MED13L: variants seen among roughly 807,000 people sequenced by gnomAD.
The protein encoded by MED13L is mediator complex subunit 13L, also known as mediator of RNA polymerase II transcription subunit 13-like.
MED13L carries 7 observed loss-of-function variants against 220.9 expected under a neutral mutation model. The ratio of observed to expected loss-of-function variants is 0.03; its 90% confidence interval spans 0.02 to 0.06. MED13L has a LOEUF of 0.06. Ranked by LOEUF, MED13L falls within the 10% of genes least tolerant of loss-of-function variation. The pLI is 1.00. For missense variants in MED13L, 1,965 were observed against 2,760.5 expected (o/e 0.71, Z 6.46); for synonymous variants, 1,011 against 1,015.2 (o/e 1.00, Z 0.08).
chr12:116,111,322 AATAAATC>A lies in MED13L; in HGVS notation c.395+99_395+105del, dbSNP rs2137898761. ...AGATTTATGTAATTTTCATACTAGCAATAAATCATTGCAAGTGAAAAGTTTTTGAAAA... is the reference window on the plus strand; with the variant it reads ...AGATTTATGTAATTTTCATACTAGCAATTGCAAGTGAAAAGTTTTTGAAAA... On this transcript the variant is annotated intron_variant, in intron 3 of 30. Coordinates refer to ENST00000281928, the MANE Select transcript of MED13L (RefSeq NM_015335.5). The A allele has an allele frequency of 1.0e-5, 9 of 859,718 alleles. No homozygotes were observed. The South Asian group carries it at 1.2e-4, about 12-fold the overall frequency. The allele number at this position is 859,718 out of a possible 1,614,324, so 53.3% of individuals were successfully genotyped here.
In MED13L at chr12:116,120,731, G is replaced by A. The variant is rs954864472; in HGVS notation, c.311-9219C>T. ...CAAAAGAAAAAAAAATAAAAAACAG[G>A]AAAAAAAGCCTTTCTAATTCTTTTG... On this transcript the variant is annotated intron_variant, in intron 2 of 30. Transcript: ENST00000281928. 2.6e-5 allele frequency among the ~76,000 whole-genome samples: 4 copies of A among 151,530 alleles called. No individual in the cohort carries two copies. In the East Asian group the frequency reaches 7.7e-4, roughly 29 times the overall value.
intron 3 of MED13L, among the ~76,000 whole-genome samples, chr12:116,108,507 G>A (rs939488975): frequency 1.3e-5 from 2 of 151,850 alleles, no homozygotes; most frequent in Non-Finnish European, 1.5e-5. Context: ...ATGAATAAAC[G>A]GAGCCAACAA....
intron 2 of MED13L, among the ~76,000 whole-genome samples, chr12:116,221,374 A>T (rs958139452): frequency 2.5e-5 from 3 of 120,200 alleles, no homozygotes; most frequent in African/African-American, 6.7e-5. Flanking sequence ...ACCCTGTCTT[A>T]AAAAAAAAAA....
intron 12 of MED13L, 57 bp from the exon 13 acceptor site, chr12:116,006,050 T>C: frequency 3.1e-6 from 5 of 1,605,182 alleles, no homozygotes; most frequent in South Asian, 1.1e-5. Context: ...CGCAAAGGAG[T>C]AGGGAGAGGA....
intron 1 of MED13L, among the ~76,000 whole-genome samples, chr12:116,257,338 G>A (rs568728568): frequency 1.3e-5 from 2 of 152,268 alleles, no homozygotes; most frequent in South Asian, 4.1e-4. Flanking sequence ...ATAACAACAT[G>A]CCCACTTAAA....
At chr12:116,266,314 G>T (rs564477561) in intron 1 of MED13L, among the ~76,000 whole-genome samples, 7 of 152,288 alleles carry the variant, frequency 4.6e-5, no homozygotes, top group Admixed American at 3.9e-4. Context: ...AAAATGCAAA[G>T]AAATACAGAA....
chr12:116,037,245 T>C (rs909593488), intron 4 of MED13L, among the ~76,000 whole-genome samples: 4 of 152,166 alleles, frequency 2.6e-5, no homozygotes, highest in African/African-American at 4.8e-5. Context: ...TCCAAAATTT[T>C]TGAGTGCCTA....
intron 1 of MED13L, among the ~76,000 whole-genome samples, chr12:116,276,089 A>G (rs1277997061): frequency 6.6e-6 from 1 of 152,200 alleles, no homozygotes; most frequent in Non-Finnish European, 1.5e-5. Context: ...ACCGCCAGGA[A>G]AAGAGTTGCT....
chr12:116,136,368 CT>C (rs1876551193), intron 2 of MED13L, among the ~76,000 whole-genome samples: 1 of 152,164 alleles, frequency 6.6e-6, no homozygotes, highest in Non-Finnish European at 1.5e-5. Context: ...TCAGAATGAT[CT>C]TCTCATAACT....
At chr12:116,042,017 T>C (rs1454033879) in intron 4 of MED13L, among the ~76,000 whole-genome samples, 1 of 152,244 alleles carries the variant, frequency 6.6e-6, no homozygotes, top group African/African-American at 2.4e-5. Context: ...CACCATGCCA[T>C]GAAACCTATT....
intron 10 of MED13L, 171 bp from the exon 11 acceptor site, chr12:116,007,807 T>C: frequency 3.1e-6 from 2 of 640,054 alleles, no homozygotes; most frequent in Non-Finnish European, 5.3e-6. Context: ...ATATATGTTT[T>C]TGTCTCTGGG....
intron 2 of MED13L, 131 bp from the exon 3 acceptor site, chr12:116,111,643 GA>G: frequency 1.4e-6 from 1 of 695,178 alleles, no homozygotes; most frequent in Non-Finnish European, 2.4e-6. Flanking sequence ...ATCTCACGCT[GA>G]AACAGAGAGT....
At chr12:116,255,231 GC>G (rs1256572388) in intron 1 of MED13L, among the ~76,000 whole-genome samples, 1 of 152,112 alleles carries the variant, frequency 6.6e-6, no homozygotes, top group East Asian at 1.9e-4. Context: ...AAAAAGCAAT[GC>G]ACACATAGAG....
At chr12:116,060,591 A>G (rs889622818) in intron 4 of MED13L, among the ~76,000 whole-genome samples, 2 of 152,054 alleles carry the variant, frequency 1.3e-5, no homozygotes, top group Non-Finnish European at 2.9e-5. Context: ...AAAAAAAAAA[A>G]AAAACTAAAA....
At chr12:116,107,807 T>C (rs1005374804) in intron 3 of MED13L, among the ~76,000 whole-genome samples, 2 of 152,204 alleles carry the variant, frequency 1.3e-5, no homozygotes, top group African/African-American at 2.4e-5. Flanking sequence ...ATATCCTCAG[T>C]TGGGCCGGGC....
intron 2 of MED13L, among the ~76,000 whole-genome samples, chr12:116,152,867 T>C (rs541964526): frequency 6.6e-6 from 1 of 152,056 alleles, no homozygotes; most frequent in African/African-American, 2.4e-5. Context: ...ACAGGTGAAA[T>C]GTAAACAGGA....
chr12:116,243,035 A>G (rs1207977742), intron 1 of MED13L, among the ~76,000 whole-genome samples: 1 of 152,214 alleles, frequency 6.6e-6, no homozygotes, highest in Non-Finnish European at 1.5e-5. Context: ...GAAAACTGGT[A>G]TAAGAGTGCC....
Position 116,008,445 on chromosome 12 carries a change from A to G in MED13L, c.1968T>C (p.Cys656=), listed in dbSNP as rs2137383602. The G allele has an allele frequency of 6.2e-7, 1 of 1,612,802 alleles. No homozygotes were observed. The highest frequency in any genetic ancestry group is 1.1e-5 in the South Asian group (1 of 91,022). ...FRPPELQGER[C]DAKMEVNSES... is the part of the protein sequence containing the mutation. Reference sequence around the variant, plus strand: ...CTGAGTTTACCTCCATTTTGGCATCACATCTCTCACCCTGGAGCTCTGGAG... The same window carrying G: ...CTGAGTTTACCTCCATTTTGGCATCGCATCTCTCACCCTGGAGCTCTGGAG... The change falls in exon 10 of 31, where the codon TGT becomes TGC. Residue 656 remains cysteine (C), a synonymous_variant. Coordinates refer to ENST00000281928, the MANE Select transcript of MED13L (RefSeq NM_015335.5).
At chr12:116,114,644 A>G (rs2137916572) in intron 2 of MED13L, among the ~76,000 whole-genome samples, 1 of 152,316 alleles carries the variant, frequency 6.6e-6, no homozygotes, top group East Asian at 1.9e-4. Context: ...CCAATACAAT[A>G]GGGCAAGAAA....
Sources: gnomAD v4.1 joint callset for allele counts (sites outside exome capture counted in the v4.1 genomes callset) on GRCh38, gnomAD v4.1.1 for gene constraint, MANE v1.5 for transcripts, NCBI Gene and HGNC (gene_info 2026-07-23, HGNC 2026-07-21) for gene names.